The following NELL1 variants were observed in gnomAD, a reference collection of about 807,000 sequenced individuals.
NELL1 encodes the protein protein kinase C-binding protein NELL1.
Under a neutral mutation model 107.4 loss-of-function variants are expected in NELL1, and 76 were observed. The observed-to-expected ratio is 0.71, with a 90% CI of 0.59 to 0.86. The LOEUF is 0.86. Among genes scored for constraint, NELL1 ranks in the 40% least tolerant of loss-of-function variants. NELL1 has a pLI of 0.00. For missense variants in NELL1, 1,024 were observed against 1,005.5 expected (o/e 1.02, Z -0.25); for synonymous variants, 353 against 341.2 (o/e 1.03, Z -0.38).
intron 2 of NELL1, among the ~76,000 whole-genome samples, chr11:20,684,016 GTTC>G (rs1377705049): frequency 1.4e-5 from 2 of 138,618 alleles, no homozygotes; most frequent in Non-Finnish European, 3.2e-5. Context: ...TTTTCTGTTC[GTTC>G]TTTTTTTTTT....
At chr11:20,693,746 A>T (rs199834437) in intron 2 of NELL1, among the ~76,000 whole-genome samples, 1 of 151,796 alleles carries the variant, frequency 6.6e-6, no homozygotes, top group African/African-American at 2.4e-5. Context: ...ACTTTGGTGA[A>T]TCTGACAATT....
At chr11:20,989,815 A>G (rs1392249329) in intron 12 of NELL1, among the ~76,000 whole-genome samples, 1 of 151,990 alleles carries the variant, frequency 6.6e-6, no homozygotes, top group Non-Finnish European at 1.5e-5. Context: ...ACACGGTGAA[A>G]CCCTGTCTCT....
chr11:20,874,412 T>C (rs920466605), intron 4 of NELL1, among the ~76,000 whole-genome samples: 3 of 152,326 alleles, frequency 2.0e-5, no homozygotes, highest in South Asian at 4.1e-4. Flanking sequence ...TTAGCCAGTG[T>C]GGCATGGCAG....
chr11:21,535,775 T>C (rs559605507), intron 16 of NELL1, among the ~76,000 whole-genome samples: 2 of 152,328 alleles, frequency 1.3e-5, no homozygotes, highest in South Asian at 2.1e-4. Context: ...ATCTGTTAAA[T>C]GTTCAAGAAA....
intron 3 of NELL1, among the ~76,000 whole-genome samples, chr11:20,833,189 A>G (rs2134039372): frequency 6.6e-6 from 1 of 152,326 alleles, no homozygotes; most frequent in Middle Eastern, 3.4e-3. Flanking sequence ...GAAGATGATA[A>G]TAGTACCTCC....
At chr11:21,509,715 G>A (rs572762264) in intron 15 of NELL1, among the ~76,000 whole-genome samples, 13 of 152,228 alleles carry the variant, frequency 8.5e-5, no homozygotes, top group Non-Finnish European at 1.9e-4. Flanking sequence ...CTAGGAAGAT[G>A]TCATCAGATA....
intron 15 of NELL1, among the ~76,000 whole-genome samples, chr11:21,420,940 T>C (rs1232393785): frequency 6.6e-6 from 1 of 152,022 alleles, no homozygotes; most frequent in Non-Finnish European, 1.5e-5. Context: ...AATTTGAATA[T>C]TCAGCAACAA....
At chr11:20,902,244 A>G (rs953269827) in intron 5 of NELL1, among the ~76,000 whole-genome samples, 2 of 151,916 alleles carry the variant, frequency 1.3e-5, no homozygotes, top group Non-Finnish European at 1.5e-5. Context: ...AAAAGTATTC[A>G]TTGAAGAAAT....
intron 2 of NELL1, among the ~76,000 whole-genome samples, chr11:20,698,815 C>A (rs1209197417): frequency 6.6e-6 from 1 of 152,132 alleles, no homozygotes; most frequent in Non-Finnish European, 1.5e-5. Context: ...CCCCACAAGT[C>A]CCCGAAGTCC....
intron 14 of NELL1, among the ~76,000 whole-genome samples, chr11:21,272,847 C>T (rs371474368): frequency 6.6e-6 from 1 of 152,212 alleles, no homozygotes; most frequent in Non-Finnish European, 1.5e-5. Context: ...AGGTTCCTGA[C>T]TGTTAGAAGG....
chr11:21,351,975 G>A (rs902405286), intron 14 of NELL1, among the ~76,000 whole-genome samples: 6 of 152,124 alleles, frequency 3.9e-5, no homozygotes, highest in African/African-American at 7.2e-5. Context: ...TTCTGTTACC[G>A]TCTCCTACAA....
intron 15 of NELL1, among the ~76,000 whole-genome samples, chr11:21,422,248 A>C (rs1379993846): frequency 6.6e-6 from 1 of 152,198 alleles, no homozygotes; most frequent in East Asian, 1.9e-4. Context: ...GATGAAATAA[A>C]AATATACTAG....
At chr11:21,270,354 G>T (rs747524343) in intron 14 of NELL1, among the ~76,000 whole-genome samples, 2 of 152,016 alleles carry the variant, frequency 1.3e-5, no homozygotes, top group Non-Finnish European at 2.9e-5. Flanking sequence ...TATATATCAT[G>T]CTAATACTAA....
chr11:20,927,135 C>T (rs544644181), intron 7 of NELL1, 173 bp from the exon 8 acceptor site: 28 of 568,980 alleles, frequency 4.9e-5, no homozygotes, highest in Middle Eastern at 9.3e-4. Context: ...AGAGTGATTC[C>T]ACCTTGTGTA....
At chr11:21,509,163 A>G (rs553555780) in intron 15 of NELL1, among the ~76,000 whole-genome samples, 29 of 152,332 alleles carry the variant, frequency 1.9e-4, no homozygotes, top group Admixed American at 5.2e-4. Context: ...ATAAAACTAC[A>G]TAGGGTTACT....
chr11:20,692,263 G>GT (rs750911012), intron 2 of NELL1, among the ~76,000 whole-genome samples: 3,936 of 149,732 alleles, frequency 0.026, 84 homozygotes, highest in Non-Finnish European at 0.041. Context: ...TTTTTGAAGG[G>GT]TTTTTTTTTG....
chr11:20,743,471 C>T (rs1268434822), intron 2 of NELL1, among the ~76,000 whole-genome samples: 2 of 152,136 alleles, frequency 1.3e-5, no homozygotes, highest in Non-Finnish European at 2.9e-5. Flanking sequence ...GTTGTTGTAA[C>T]AATGAGATTA....
chr11:21,063,707 G>A (rs963777628), intron 12 of NELL1, among the ~76,000 whole-genome samples: 8 of 152,138 alleles, frequency 5.3e-5, no homozygotes, highest in Non-Finnish European at 1.0e-4. Context: ...GCAAAAAGAC[G>A]AATTCACCAT....
At chr11:20,752,862 A>G (rs1449360050) in intron 2 of NELL1, among the ~76,000 whole-genome samples, 2 of 152,226 alleles carry the variant, frequency 1.3e-5, no homozygotes, top group Non-Finnish European at 2.9e-5. Context: ...CGTATCAGAA[A>G]TTACCATAAT....
Sources: allele counts gnomAD v4.1 joint callset (sites outside exome capture counted in the v4.1 genomes callset), GRCh38; gene constraint gnomAD v4.1.1; transcripts MANE v1.5; gene names NCBI Gene and HGNC (gene_info 2026-07-23, HGNC 2026-07-21).